The following FGF14 variants were observed in gnomAD, a reference collection of about 807,000 sequenced individuals.
FGF14 encodes the protein fibroblast growth factor homologous factor 4.
FGF14 carries 5 observed loss-of-function variants against 25.5 expected under a neutral mutation model. That is an observed-to-expected ratio of 0.20 (90% CI 0.10 to 0.41). The LOEUF (loss-of-function observed/expected upper bound fraction) is 0.41. FGF14 is among the 10% of genes least tolerant of loss of function. The pLI is 1.00. For synonymous variants in FGF14, 138 were observed against 118.3 expected (o/e 1.17, Z -1.08); for missense variants, 222 against 320.1 (o/e 0.69, Z 2.34).
intron 3 of FGF14, among the ~76,000 whole-genome samples, chr13:101,758,352 G>A (rs954451145): frequency 1.8e-4 from 27 of 152,286 alleles, no homozygotes; most frequent in Admixed American, 8.5e-4. Context: ...GAGTAGGAGC[G>A]AGTTTGCATT....
chr13:101,744,858 C>A (rs2036784578), intron 3 of FGF14, among the ~76,000 whole-genome samples: 1 of 151,986 alleles, frequency 6.6e-6, no homozygotes, highest in African/African-American at 2.4e-5. Context: ...GCTAGACTCT[C>A]TTCTAGGTGT....
At chr13:102,136,559 T>A (rs900696920) in intron 1 of FGF14, among the ~76,000 whole-genome samples, 1 of 151,366 alleles carries the variant, frequency 6.6e-6, no homozygotes, top group Non-Finnish European at 1.5e-5. Flanking sequence ...AAAGGCACTA[T>A]AGCAACCACA....
At chr13:101,852,318 C>A (rs1423180826) in intron 3 of FGF14, among the ~76,000 whole-genome samples, 1 of 151,968 alleles carries the variant, frequency 6.6e-6, no homozygotes, top group Non-Finnish European at 1.5e-5. Flanking sequence ...TAATACATAT[C>A]ATAATTCCTA....
At chr13:101,832,139 G>A (rs924538070) in intron 3 of FGF14, among the ~76,000 whole-genome samples, 3 of 152,026 alleles carry the variant, frequency 2.0e-5, no homozygotes, top group African/African-American at 4.8e-5. Flanking sequence ...TCCGATATAC[G>A]CAGAAGAGAA....
At chr13:102,297,977 A>T (rs1434147213) in intron 1 of FGF14, among the ~76,000 whole-genome samples, 7 of 152,158 alleles carry the variant, frequency 4.6e-5, no homozygotes, top group Non-Finnish European at 1.5e-5. Context: ...TCTCAACAAC[A>T]CATGGCCGTA....
intron 1 of FGF14, among the ~76,000 whole-genome samples, chr13:102,036,659 C>CAGAAGGAGGAGGAGAAGAAGG (rs1555344238): frequency 2.6e-5 from 4 of 151,450 alleles, no homozygotes; most frequent in East Asian, 1.9e-4. Context: ...AAAGAGGAAA[C>CAGAAGGAGGAGGAGAAGAAGG]AGAAGGAGGA....
intron 3 of FGF14, among the ~76,000 whole-genome samples, chr13:101,782,522 A>G (rs2039562093): frequency 6.6e-6 from 1 of 152,108 alleles, no homozygotes; most frequent in Non-Finnish European, 1.5e-5. Flanking sequence ...ATTTTTCCTG[A>G]TCCTCTCCCT....
At chr13:101,883,092 GAAAGA>G (rs2045803346) in intron 1 of FGF14, among the ~76,000 whole-genome samples, 3 of 152,124 alleles carry the variant, frequency 2.0e-5, no homozygotes, top group African/African-American at 7.2e-5. Flanking sequence ...TGTACAGAAA[GAAAGA>G]AAAGAATACT....
At chr13:101,963,803 G>A (rs1287497149) in intron 1 of FGF14, among the ~76,000 whole-genome samples, 1 of 152,122 alleles carries the variant, frequency 6.6e-6, no homozygotes, top group African/African-American at 2.4e-5. Context: ...TTAGTCATGG[G>A]AGATACAGAG....
At chr13:101,929,306 T>C (rs535338211) in intron 1 of FGF14, among the ~76,000 whole-genome samples, 1 of 152,160 alleles carries the variant, frequency 6.6e-6, no homozygotes, top group African/African-American at 2.4e-5. Flanking sequence ...AGATGGGAGA[T>C]AGTCACCAGC....
intron 1 of FGF14, among the ~76,000 whole-genome samples, chr13:102,072,637 T>TC (rs1195842785): frequency 4.6e-5 from 7 of 152,182 alleles, no homozygotes; most frequent in Admixed American, 6.5e-5. Flanking sequence ...AACTCATTAA[T>TC]CTTCCCACAG....
rs951156750 is a variant in FGF14, at chr13:102,000,139, C to T, written c.209-124843G>A. On this transcript the variant is annotated intron_variant, in intron 1 of 4. Transcript: ENST00000376131. ...GACCATCCTGGCTAACACGGTAAAA[C>T]CCCGTCTCTACTAAAAAATACAAAA... 2.0e-5 allele frequency among the ~76,000 whole-genome samples: 3 copies of T among 152,140 alleles called. No individual in the cohort carries two copies. The South Asian group carries it at 6.2e-4, about 32-fold the overall frequency.
chr13:102,401,617 T>C, exon 1 of FGF14: 2 of 1,614,164 alleles, frequency 1.2e-6, no homozygotes, highest in East Asian at 4.5e-5. Flanking sequence ...GAAGAGATCC[T>C]TGTGGTTGCA....
chr13:101,985,937 C>CTGCT (rs2038551923), intron 1 of FGF14, among the ~76,000 whole-genome samples: 1 of 152,112 alleles, frequency 6.6e-6, no homozygotes, highest in Non-Finnish European at 1.5e-5. Context: ...GTTCAGAAAA[C>CTGCT]ATCCAACTGC....
chr13:101,857,527 A>C lies in FGF14; in HGVS notation c.408+11198T>G, dbSNP rs906566689. Reference sequence around the variant, plus strand: ...AAGAACATTGTGCACCCTTTCAATGAAATTGCCTTCCAGGCTGGATGAGTT... The same window carrying C: ...AAGAACATTGTGCACCCTTTCAATGCAATTGCCTTCCAGGCTGGATGAGTT... On this transcript the variant is annotated intron_variant, in intron 3 of 4. Transcript: ENST00000376143. Among the ~76,000 whole-genome samples, 3 of 152,054 alleles carry C rather than the reference A, an allele frequency of 2.0e-5. No individual in the cohort carries two copies. The East Asian group carries it at 5.8e-4, about 29-fold the overall frequency.
chr13:101,940,058 CT>C (rs1310833075), intron 1 of FGF14, among the ~76,000 whole-genome samples: 1 of 152,154 alleles, frequency 6.6e-6, no homozygotes, highest in African/African-American at 2.4e-5. Context: ...GCAAAATGGC[CT>C]TGGCCAAGTC....
chr13:101,797,772 T>TGTGTGTGCGTGTGTGC (rs1555384575), intron 3 of FGF14, among the ~76,000 whole-genome samples: 4 of 145,556 alleles, frequency 2.7e-5, no homozygotes, highest in Non-Finnish European at 6.0e-5. Context: ...TGTGTGTGTG[T>TGTGTGTGCGTGTGTGC]GTGTGTGTGT....
intron 3 of FGF14, among the ~76,000 whole-genome samples, chr13:101,755,926 G>A (rs2037616826): frequency 6.6e-6 from 1 of 152,140 alleles, no homozygotes; most frequent in Non-Finnish European, 1.5e-5. Flanking sequence ...AATGGAAAAA[G>A]TACCTAATCT....
intron 1 of FGF14, among the ~76,000 whole-genome samples, chr13:102,235,617 A>C (rs1272683370): frequency 2.0e-5 from 3 of 152,234 alleles, no homozygotes; most frequent in Admixed American, 1.3e-4. Context: ...GGATCAGGGA[A>C]GAAAATTTGT....
Sources: gnomAD v4.1 joint callset for allele counts (sites outside exome capture counted in the v4.1 genomes callset) on GRCh38, gnomAD v4.1.1 for gene constraint, MANE v1.5 for transcripts, NCBI Gene and HGNC (gene_info 2026-07-23, HGNC 2026-07-21) for gene names.